Variants in NR3C2 observed in about 807,000 individuals in gnomAD.
NR3C2 encodes the protein mineralocorticoid receptor.
In NR3C2, 15 loss-of-function variants were observed where a neutral mutation model predicts 86.4. The ratio of observed to expected loss-of-function variants is 0.17; its 90% CI spans 0.12 to 0.27. NR3C2 has a LOEUF of 0.27. Ranked by LOEUF, NR3C2 falls within the 10% of genes least tolerant of loss-of-function variation. The pLI is 1.00. For synonymous variants in NR3C2, 458 were observed against 450.5 expected, an observed-to-expected ratio of 1.02 and a Z score of -0.21; for missense variants, 960 against 1,195.6, an observed-to-expected ratio of 0.80 and a Z score of 2.91.
intron 3 of NR3C2, among the ~76,000 whole-genome samples, chr4:148,226,785 A>C (rs904735389): frequency 2.0e-4 from 31 of 152,204 alleles, no homozygotes; most frequent in African/African-American, 7.5e-4. Flanking sequence ...GGAGGTATAA[A>C]ATAGCATTTA....
upstream of NR3C2, chr4:148,442,470 G>A (rs1359562384): frequency 1.6e-5 from 3 of 192,094 alleles, no homozygotes; most frequent in African/African-American, 2.4e-5. Context: ...GGGAGAGAGG[G>A]CGGGCGAAAG....
chr4:148,084,588 C>T (rs1006977351), intron 8 of NR3C2, among the ~76,000 whole-genome samples: 1 of 152,172 alleles, frequency 6.6e-6, no homozygotes, highest in South Asian at 2.1e-4. Context: ...ACCATCGATG[C>T]TATGAAGAAA....
intron 4 of NR3C2, among the ~76,000 whole-genome samples, chr4:148,169,615 T>C (rs1735035075): frequency 6.6e-6 from 1 of 152,154 alleles, no homozygotes; most frequent in Non-Finnish European, 1.5e-5. Flanking sequence ...CTAAAAGCTA[T>C]GGCTATTTTA....
intron 2 of NR3C2, among the ~76,000 whole-genome samples, chr4:148,411,577 C>T (rs546408322): frequency 5.9e-4 from 90 of 152,216 alleles, no homozygotes; most frequent in Admixed American, 1.8e-3. Context: ...TTTATATAAA[C>T]GGCATCACAA....
chr4:148,079,130 T>A lies in NR3C2; in HGVS notation c.*2214A>T, dbSNP rs1730425039. 1 of 152,504 alleles carries A rather than the reference T, an allele frequency of 6.6e-6. No individual in the cohort carries two copies. Among genetic ancestry groups the A allele is most frequent in the Non-Finnish European group, 1.5e-5 (1 of 68,044 alleles). The allele number at this position is 152,504 out of a possible 1,614,324, so 9.4% of individuals were successfully genotyped here. ...CTGGTTAAGTAAGTCAGAATTCCCA[T>A]TTTATAAAAACTAAGTCTGAACTAA... On this transcript the variant is annotated 3_prime_UTR_variant, in exon 9 of 9. Transcript: ENST00000358102.
At chr4:148,389,702 AAT>A in intron 2 of NR3C2, among the ~76,000 whole-genome samples, 1 of 152,278 alleles carries the variant, frequency 6.6e-6, no homozygotes, top group East Asian at 1.9e-4. Flanking sequence ...GACTGATAAA[AAT>A]ATATCTTATA....
chr4:148,355,884 T>C (rs1579198734), intron 2 of NR3C2, among the ~76,000 whole-genome samples: 1 of 152,202 alleles, frequency 6.6e-6, no homozygotes. Flanking sequence ...TACCTGACCC[T>C]GGCCAAATTA....
chr4:148,414,382 A>C (rs1272897393), intron 2 of NR3C2, among the ~76,000 whole-genome samples: 1 of 152,190 alleles, frequency 6.6e-6, no homozygotes, highest in East Asian at 1.9e-4. Context: ...ATCTGAACCC[A>C]ATGAAAAATT....
chr4:148,292,881 A>G (rs968740766), intron 2 of NR3C2, among the ~76,000 whole-genome samples: 4 of 152,132 alleles, frequency 2.6e-5, no homozygotes, highest in Non-Finnish European at 4.4e-5. Flanking sequence ...GAATGCACCT[A>G]TTCTGTATAC....
At chr4:148,243,595 A>G (rs66469272) in intron 3 of NR3C2, among the ~76,000 whole-genome samples, 26,550 of 152,076 alleles carry the variant, frequency 0.17, 3,043 homozygotes, top group East Asian at 0.47. Flanking sequence ...CCACTTGGAG[A>G]CTCATTTAGT....
At chr4:148,140,310 G>A (rs989375010) in intron 6 of NR3C2, among the ~76,000 whole-genome samples, 5 of 152,154 alleles carry the variant, frequency 3.3e-5, no homozygotes, top group African/African-American at 9.7e-5. Context: ...TCAATGTTAC[G>A]ATGAGCTATG....
chr4:148,241,750 C>T (rs1739059567), intron 3 of NR3C2, among the ~76,000 whole-genome samples: 2 of 152,044 alleles, frequency 1.3e-5, no homozygotes, highest in South Asian at 4.2e-4. Flanking sequence ...TAGCCTCTGC[C>T]CCCAGTGCCA....
chr4:148,112,431 C>A (rs1404678673), intron 8 of NR3C2, among the ~76,000 whole-genome samples: 1 of 152,210 alleles, frequency 6.6e-6, no homozygotes, highest in Non-Finnish European at 1.5e-5. Flanking sequence ...GAAAGTAAAT[C>A]TGCTATGTGT....
At chr4:148,087,654 T>C (rs1730876077) in intron 8 of NR3C2, among the ~76,000 whole-genome samples, 1 of 152,132 alleles carries the variant, frequency 6.6e-6, no homozygotes, top group African/African-American at 2.4e-5. Flanking sequence ...GAAAACTGGC[T>C]AGCCATATGC....
Position 148,169,698 on chromosome 4 carries a change from A to C in NR3C2, c.2015-14797T>G, listed in dbSNP as rs971984989. On this transcript the variant is annotated intron_variant, in intron 4 of 8. Coordinates refer to ENST00000358102, the MANE Select transcript of NR3C2 (RefSeq NM_000901.5). ...AAAGATCTAAACAATGATGAAACAC[A>C]TAAAGCCAAAGACTATGAAAACAGA... Among the ~76,000 whole-genome samples the C allele has an allele frequency of 2.0e-5, 3 of 152,354 alleles. No individual in the cohort carries two copies. The South Asian group carries it at 6.2e-4, about 32-fold the overall frequency.
chr4:148,336,635 G>C (rs1296474429), intron 2 of NR3C2, among the ~76,000 whole-genome samples: 1 of 152,032 alleles, frequency 6.6e-6, no homozygotes, highest in Non-Finnish European at 1.5e-5. Context: ...CTGAGAAATT[G>C]AACATCCCTC....
intron 3 of NR3C2, among the ~76,000 whole-genome samples, chr4:148,258,631 T>C (rs1739942521): frequency 1.3e-5 from 2 of 152,164 alleles, no homozygotes; most frequent in Non-Finnish European, 2.9e-5. Flanking sequence ...TAGGAATTGC[T>C]AGGAACAGAA....
chr4:148,279,434 C>G (rs994208370), intron 2 of NR3C2, among the ~76,000 whole-genome samples: 1 of 152,168 alleles, frequency 6.6e-6, no homozygotes, highest in East Asian at 1.9e-4. Context: ...CGATAACTAT[C>G]GAGAATATGC....
At chr4:148,286,691 C>CT (rs879535018) in intron 2 of NR3C2, among the ~76,000 whole-genome samples, 1 of 152,034 alleles carries the variant, frequency 6.6e-6, no homozygotes, top group Non-Finnish European at 1.5e-5. Flanking sequence ...TAGTCACAGC[C>CT]TTTTTTAAGG....
Sources: allele counts gnomAD v4.1 joint callset (sites outside exome capture counted in the v4.1 genomes callset), GRCh38; gene constraint gnomAD v4.1.1; transcripts MANE v1.5; gene names NCBI Gene and HGNC (gene_info 2026-07-23, HGNC 2026-07-21).